GATA6: variants seen among roughly 807,000 people sequenced by gnomAD.
GATA6 encodes transcription factor GATA-6.
In GATA6, 11 loss-of-function variants were observed where a neutral mutation model predicts 48.1. That is an observed-to-expected ratio of 0.23 (90% CI 0.14 to 0.38). The LOEUF (loss-of-function observed/expected upper bound fraction) is 0.38, where lower values mean the gene tolerates loss of function less well. GATA6 is among the 10% of genes least tolerant of loss of function. The probability of loss-of-function intolerance (pLI) is 1.00; values close to 1 mark genes in which losing one functional copy is unlikely to be tolerated. For missense variants in GATA6, 795 were observed against 850.3 expected (o/e 0.93, Z 0.81); for synonymous variants, 419 against 396.1 (o/e 1.06, Z -0.69).
intron 6 of GATA6, among the ~76,000 whole-genome samples, chr18:22,199,441 G>A (rs932273472): frequency 3.9e-5 from 6 of 152,258 alleles, no homozygotes; most frequent in South Asian, 2.1e-4. Context: ...TGATTATGGC[G>A]AAATTTTTCA....
Position 22,170,533 on chromosome 18 carries a change from G to A in GATA6, c.-37-575G>A, listed in dbSNP as rs1388295559. ...GTTCGGGCTGGTCAGCGCAGTCCGG[G>A]AAGCTCTGGGAGAGCCAATATAGGA... is the stretch of plus-strand genomic sequence containing the variant. On this transcript the variant is annotated intron_variant, in intron 1 of 6. Coordinates refer to ENST00000269216, the MANE Select transcript of GATA6 (RefSeq NM_005257.6). This position sits in a 1 kb window ranked among gnomAD's most constrained non-coding sequence, Gnocchi z 6.7. Among the ~76,000 whole-genome samples the A allele has an allele frequency of 1.3e-5, 2 of 152,238 alleles. No individual in the cohort carries two copies. The highest frequency in any genetic ancestry group is 4.8e-5 in the African/African-American group (2 of 41,470).
In GATA6 at chr18:22,172,230, G is replaced by A. The variant is rs1312398826; in HGVS notation, c.1086G>A (p.Leu362=). 1 of 1,534,144 alleles carries A rather than the reference G, an allele frequency of 6.5e-7. No homozygotes were observed. The highest frequency in any genetic ancestry group is 8.7e-7 in the Non-Finnish European group (1 of 1,146,222). Residue 362 remains leucine, a synonymous_variant, in exon 2 of 7, where the codon CTG becomes CTA. Coordinates refer to ENST00000269216, the MANE Select transcript of GATA6 (RefSeq NM_005257.6). This position sits in a 1 kb window ranked among gnomAD's most constrained non-coding sequence, Gnocchi z 5.2. ...TCGAGACCCCGGTGCTGCACAGCCT[G>A]CAGAGCCGCGCCGGAGCCCCGCTCC... ...GPFETPVLHS[L]QSRAGAPLPV...
chr18:22,195,855 T>G (rs1251381243), intron 6 of GATA6, among the ~76,000 whole-genome samples: 1 of 152,260 alleles, frequency 6.6e-6, no homozygotes, highest in Non-Finnish European at 1.5e-5. Flanking sequence ...TTATTAGACA[T>G]TAGATTGTTT....
At chr18:22,195,492 A>AT (rs1232361924) in intron 6 of GATA6, among the ~76,000 whole-genome samples, 2 of 152,182 alleles carry the variant, frequency 1.3e-5, no homozygotes, top group Admixed American at 6.5e-5. Flanking sequence ...GGGTTTTGTC[A>AT]TTACTTTCAA....
rs2033037882 is a variant in GATA6 at position 22,171,290 on chromosome 18, G to A, written c.146G>A (p.Gly49Asp). ...ISSSSSSCSR[G>D]GERGPGGASN... is the part of the protein sequence containing the mutation. ...TCCTCGTCCTCCTCCTGCTCCCGGG[G>A]CGGAGAGCGGGGCCCCGGCGGCGCC... is the stretch of plus-strand genomic sequence containing the variant. Residue 49 changes from glycine to aspartate, a missense_variant, in exon 2 of 7, where the codon GGC (glycine) becomes GAC (aspartate). This residue lies in a region of GATA6 where 591 missense variants were observed against 570.0 expected (regional missense o/e 1.04). Coordinates refer to ENST00000269216, the MANE Select transcript of GATA6 (RefSeq NM_005257.6). This position sits in a 1 kb window ranked among gnomAD's most constrained non-coding sequence, Gnocchi z 7.1. 6.3e-7 allele frequency: 1 copy of A among 1,593,722 alleles called. No homozygotes were observed. The highest frequency in any genetic ancestry group is 1.7e-4 in the Middle Eastern group (1 of 5,780).
intron 6 of GATA6, among the ~76,000 whole-genome samples, chr18:22,188,840 G>T (rs575559606): frequency 8.0e-4 from 122 of 152,188 alleles, no homozygotes; most frequent in African/African-American, 2.9e-3. Flanking sequence ...TAATTTCTCT[G>T]CCTCCAGGGA....
chr18:22,175,633 A>G (rs2033112131), intron 2 of GATA6: 3 of 152,214 alleles, frequency 2.0e-5, no homozygotes, highest in Admixed American at 2.0e-4. Context: ...TTTCTTTAAA[A>G]CTTAATAAGA....
chr18:22,188,921 A>T (rs751302386), intron 6 of GATA6, among the ~76,000 whole-genome samples: 2 of 152,176 alleles, frequency 1.3e-5, no homozygotes, highest in Non-Finnish European at 2.9e-5. Flanking sequence ...GACATGGTGT[A>T]TTAGGGATAG....
At chr18:22,183,888 C>A (rs919286620) in intron 6 of GATA6, among the ~76,000 whole-genome samples, 1 of 152,186 alleles carries the variant, frequency 6.6e-6, no homozygotes, top group Non-Finnish European at 1.5e-5. Context: ...TCCTTGTGAC[C>A]CTTGGGACTA....
intron 6 of GATA6, among the ~76,000 whole-genome samples, chr18:22,192,959 T>C (rs1414574037): frequency 6.6e-6 from 1 of 152,226 alleles, no homozygotes; most frequent in African/African-American, 2.4e-5. Context: ...ATTATGTGCA[T>C]AGAATTGCTT....
intron 2 of GATA6, chr18:22,176,739 T>C (rs1333249795): frequency 1.8e-6 from 1 of 543,326 alleles, no homozygotes; most frequent in Non-Finnish European, 3.2e-6. Flanking sequence ...ACTGGGGCGC[T>C]CCGGGTGTGC....
Position 22,185,719 on chromosome 18 carries a change from C to T in GATA6, c.1620+2676C>T, listed in dbSNP as rs532361986. On this transcript the variant is annotated intron_variant, in intron 6 of 6. Transcript: ENST00000269216. This position sits in a 1 kb window ranked among gnomAD's most constrained non-coding sequence, Gnocchi z 4.3. Reference sequence around the variant, plus strand: ...CTGGCTGCCTTTGGAAGCTGTCCCCCTGTAAGAATACCTGTAGTAGGCTTG... The same window carrying T: ...CTGGCTGCCTTTGGAAGCTGTCCCCTTGTAAGAATACCTGTAGTAGGCTTG... Among the ~76,000 whole-genome samples the T allele has an allele frequency of 6.6e-6, 1 of 152,370 alleles. No homozygotes were observed. Among genetic ancestry groups the T allele is most frequent in the East Asian group, 1.9e-4 (1 of 5,188 alleles).
chr18:22,171,568 G>A lies in GATA6; in HGVS notation c.424G>A (p.Glu142Lys), dbSNP rs1411724536. The A allele has an allele frequency of 1.6e-5, 25 of 1,602,472 alleles. No homozygotes were observed. The East Asian group carries it at 5.4e-4, about 34-fold the overall frequency. Residue 142 changes from glutamate (E) to lysine (K), a missense_variant, in exon 2 of 7, where the codon GAG becomes AAG. By Grantham distance (56) the Glu-to-Lys change is moderately conservative. Coordinates refer to ENST00000269216, the MANE Select transcript of GATA6 (RefSeq NM_005257.6). This position sits in a 1 kb window ranked among gnomAD's most constrained non-coding sequence, Gnocchi z 7.1. ...CGCCAAGCTGAGCCCCTTCGCACCCGAGCAGCCGGAGGAGATGTACCAGAC... is the reference window on the plus strand; with the variant it reads ...CGCCAAGCTGAGCCCCTTCGCACCCAAGCAGCCGGAGGAGATGTACCAGAC... ...RGAKLSPFAP[E>K]QPEEMYQTLA... is the part of the protein sequence containing the mutation.
intron 6 of GATA6, among the ~76,000 whole-genome samples, chr18:22,186,740 A>C (rs2033266760): frequency 6.6e-6 from 1 of 152,244 alleles, no homozygotes; most frequent in African/African-American, 2.4e-5. Context: ...TTCTTCCAGG[A>C]TAAGTTGTCC....
intron 6 of GATA6, among the ~76,000 whole-genome samples, chr18:22,192,567 A>C (rs1270453546): frequency 6.6e-6 from 1 of 152,130 alleles, no homozygotes; most frequent in East Asian, 1.9e-4. Context: ...TGCATTGTAA[A>C]TGCTTCTTGG....
At position 22,197,643 on chromosome 18, in the gene GATA6, C is replaced by A. The variant is rs138433324; in HGVS notation, c.1621-3013C>A. ...ATGTTTAACATGGCAAGGCACCTTGCCTTCGCTTTTACAAACGTTAGCTCA... is the reference window on the plus strand; with the variant it reads ...ATGTTTAACATGGCAAGGCACCTTGACTTCGCTTTTACAAACGTTAGCTCA... On this transcript the variant is annotated intron_variant, in intron 6 of 6. Transcript: ENST00000269216. 5.5e-3 allele frequency among the ~76,000 whole-genome samples: 835 copies of A among 152,310 alleles called. 11 individuals are homozygous for A. Among genetic ancestry groups the A allele is most frequent in the African/African-American group, 0.019 (795 of 41,578 alleles).
chr18:22,199,207 G>T (rs2033426787), intron 6 of GATA6, among the ~76,000 whole-genome samples: 1 of 152,152 alleles, frequency 6.6e-6, no homozygotes. Context: ...TGGAGGCTCG[G>T]CACACTTCCT....
chr18:22,198,015 C>T (rs1304683095), intron 6 of GATA6, among the ~76,000 whole-genome samples: 1 of 151,836 alleles, frequency 6.6e-6, no homozygotes, highest in Admixed American at 6.6e-5. Flanking sequence ...GGCTCCTGAT[C>T]TAGTGTCTGG....
chr18:22,171,407 T>A lies in GATA6; in HGVS notation c.263T>A (p.Phe88Tyr). 1 of 1,588,738 alleles carries A rather than the reference T, an allele frequency of 6.3e-7. No homozygotes were observed. Among genetic ancestry groups the A allele is most frequent in the East Asian group, 2.3e-5 (1 of 44,304 alleles). ...CTCAGTTCCTACGCTTCGCATCCCT[T>A]CGGGGCTCCCCACGGACCTTCGGCG... The part of the protein sequence containing the change: ...LLLSSYASHP[F>Y]GAPHGPSAPG... Residue 88 changes from phenylalanine (F) to tyrosine (Y), a missense_variant, in exon 2 of 7, where the codon TTC becomes TAC. Coordinates refer to ENST00000269216, the MANE Select transcript of GATA6 (RefSeq NM_005257.6). The surrounding 1 kb of genome is among the most constrained non-coding windows in gnomAD (Gnocchi z 7.1).
Sources: gnomAD v4.1 joint callset for allele counts (sites outside exome capture counted in the v4.1 genomes callset) on GRCh38, gnomAD v4.1.1 for gene constraint, gnomAD v4.1.1 regional missense constraint, Gnocchi (gnomAD v3.1) non-coding constraint, MANE v1.5 for transcripts, NCBI Gene and HGNC (gene_info 2026-07-23, HGNC 2026-07-21) for gene names.